Variants in ADGRB3 observed in about 807,000 individuals in gnomAD.
ADGRB3 encodes the protein brain-specific angiogenesis inhibitor 3.
Under a neutral mutation model 193.4 loss-of-function variants are expected in ADGRB3, and 37 were observed. That is an observed-to-expected ratio of 0.19 (90% confidence interval 0.15 to 0.25). The LOEUF (loss-of-function observed/expected upper bound fraction) is 0.25. ADGRB3 is among the 10% of genes least tolerant of loss of function. The probability of loss-of-function intolerance (pLI) is 1.00; values close to 1 mark genes in which losing one functional copy is unlikely to be tolerated. For missense variants in ADGRB3, 1,637 were observed against 1,852.9 expected, an observed-to-expected ratio of 0.88 and a Z score of 2.14; for synonymous variants, 690 against 644.2, an observed-to-expected ratio of 1.07 and a Z score of -1.08.
At chr6:68,716,743 T>C (rs961842858) in intron 3 of ADGRB3, among the ~76,000 whole-genome samples, 3 of 151,684 alleles carry the variant, frequency 2.0e-5, no homozygotes, top group African/African-American at 4.8e-5. Context: ...TTAAACTTTT[T>C]TGAGTTCATC....
At chr6:68,935,175 T>G (rs1767453396) in intron 4 of ADGRB3, among the ~76,000 whole-genome samples, 1 of 152,184 alleles carries the variant, frequency 6.6e-6, no homozygotes, top group Non-Finnish European at 1.5e-5. Context: ...CTCAAAGGAA[T>G]AAGCAGTTTA....
chr6:69,122,953 T>A, intron 17 of ADGRB3, among the ~76,000 whole-genome samples: 1 of 151,320 alleles, frequency 6.6e-6, no homozygotes, highest in South Asian at 2.1e-4. Flanking sequence ...TATATAGATA[T>A]ATGTATGTAT....
intron 20 of ADGRB3, among the ~76,000 whole-genome samples, chr6:69,261,188 A>C (rs1215420037): frequency 1.3e-5 from 2 of 152,182 alleles, no homozygotes; most frequent in East Asian, 3.8e-4. Context: ...GGCCTTTCTT[A>C]ATGAGCGTTG....
At chr6:68,936,334 A>T (rs1767485786) in intron 4 of ADGRB3, among the ~76,000 whole-genome samples, 185 bp from the exon 5 acceptor site, 1 of 152,238 alleles carries the variant, frequency 6.6e-6, no homozygotes, top group South Asian at 2.1e-4. Context: ...TGGTGTTTGC[A>T]TCAGCATTAT....
intron 9 of ADGRB3, 23 bp downstream of exon 9, chr6:68,974,887 A>G (rs780542853): frequency 6.3e-7 from 1 of 1,579,446 alleles, no homozygotes; most frequent in Admixed American, 1.7e-5. Context: ...GACCCACCCA[A>G]ACCCTAGTGA....
chr6:69,191,228 G>T (rs982124724), intron 17 of ADGRB3, among the ~76,000 whole-genome samples: 5 of 150,696 alleles, frequency 3.3e-5, no homozygotes, highest in South Asian at 2.1e-4. Context: ...TAGTTCAATG[G>T]TTTTTTTTTC....
intron 12 of ADGRB3, among the ~76,000 whole-genome samples, chr6:69,015,943 T>C (rs554160312): frequency 6.6e-6 from 1 of 151,874 alleles, no homozygotes; most frequent in African/African-American, 2.4e-5. Flanking sequence ...ATTTTAGTCA[T>C]GTATTATGTT....
intron 20 of ADGRB3, among the ~76,000 whole-genome samples, chr6:69,275,215 A>C (rs1040182636): frequency 2.6e-5 from 4 of 152,206 alleles, no homozygotes; most frequent in African/African-American, 9.7e-5. Context: ...ATGGACTACA[A>C]TGAATAGGTT....
At chr6:69,362,506 G>A (rs1769474765) in intron 29 of ADGRB3, among the ~76,000 whole-genome samples, 2 of 151,882 alleles carry the variant, frequency 1.3e-5, no homozygotes, top group Non-Finnish European at 2.9e-5. Context: ...GGCATTCTGA[G>A]AGTCTTAAAA....
At chr6:69,144,917 T>TTCTTTC (rs139310040) in intron 17 of ADGRB3, among the ~76,000 whole-genome samples, 3 of 128,704 alleles carry the variant, frequency 2.3e-5, no homozygotes, top group African/African-American at 5.5e-5. Context: ...CTTTCTTTCT[T>TTCTTTC]TTTCTTTTTA....
At chr6:68,761,581 G>T (rs149756695) in intron 3 of ADGRB3, among the ~76,000 whole-genome samples, 5 of 151,420 alleles carry the variant, frequency 3.3e-5, no homozygotes, top group African/African-American at 1.2e-4. Flanking sequence ...ATGCTGCTAC[G>T]TTCCAAAATA....
intron 13 of ADGRB3, among the ~76,000 whole-genome samples, chr6:69,029,051 C>T (rs771778711): frequency 6.6e-5 from 10 of 152,200 alleles, no homozygotes; most frequent in Non-Finnish European, 1.3e-4. Flanking sequence ...TTTTTTTCCC[C>T]TTTACATCTT....
At chr6:68,797,498 AG>A (rs1455036455) in intron 3 of ADGRB3, among the ~76,000 whole-genome samples, 1 of 152,084 alleles carries the variant, frequency 6.6e-6, no homozygotes, top group Admixed American at 6.6e-5. Context: ...GGTGGAGGGC[AG>A]GGCACTTAAT....
At chr6:68,831,346 A>G (rs1230377315) in intron 3 of ADGRB3, among the ~76,000 whole-genome samples, 3 of 150,904 alleles carry the variant, frequency 2.0e-5, no homozygotes, top group Non-Finnish European at 4.4e-5. Context: ...CTGGTTTTGG[A>G]CATGCTGAAT....
At chr6:69,282,182 T>C (rs970184607) in intron 20 of ADGRB3, among the ~76,000 whole-genome samples, 2 of 152,078 alleles carry the variant, frequency 1.3e-5, no homozygotes, top group Admixed American at 1.3e-4. Context: ...ATTTGGCAAA[T>C]AAAATGAATA....
intron 8 of ADGRB3, among the ~76,000 whole-genome samples, chr6:68,970,018 C>A (rs972972061): frequency 2.0e-5 from 3 of 152,220 alleles, no homozygotes; most frequent in Non-Finnish European, 4.4e-5. Flanking sequence ...CTGCTGAACT[C>A]GATGCCCCAA....
intron 30 of ADGRB3, among the ~76,000 whole-genome samples, chr6:69,381,061 A>G (rs1449093037): frequency 1.3e-5 from 2 of 151,758 alleles, no homozygotes; most frequent in Non-Finnish European, 2.9e-5. Flanking sequence ...ACAAATCCAT[A>G]TTTTCATCAG....
At chr6:69,266,284 A>G (rs932511053) in intron 20 of ADGRB3, among the ~76,000 whole-genome samples, 1 of 152,030 alleles carries the variant, frequency 6.6e-6, no homozygotes, top group Non-Finnish European at 1.5e-5. Flanking sequence ...TAATGGACAA[A>G]GAACAAAATC....
In ADGRB3 at chr6:68,733,701, A is replaced by G. The variant is rs1765818603; in HGVS notation, c.757+94269A>G. On this transcript the variant is annotated intron_variant, in intron 3 of 31. Coordinates refer to ENST00000370598, the MANE Select transcript of ADGRB3 (RefSeq NM_001704.3). ...GCAGTGAGGATGGTTAGTGGGTACA[A>G]AAATAGAAAGAGTGAATAAGACCTA... Among the ~76,000 whole-genome samples, 3 of 150,988 alleles carry G rather than the reference A, an allele frequency of 2.0e-5. No homozygotes were observed. The South Asian group carries it at 6.2e-4, about 31-fold the overall frequency.
Sources: gnomAD v4.1 joint callset for allele counts (sites outside exome capture counted in the v4.1 genomes callset) on GRCh38, gnomAD v4.1.1 for gene constraint, MANE v1.5 for transcripts, NCBI Gene and HGNC (gene_info 2026-07-23, HGNC 2026-07-21) for gene names.